The following MYLK4 variants were observed in gnomAD, a reference collection of about 807,000 sequenced individuals.
The protein encoded by MYLK4 is myosin light chain kinase family member 4.
In MYLK4, 46 loss-of-function variants were observed where a neutral mutation model predicts 48.1. That is an observed-to-expected ratio of 0.96 (90% confidence interval 0.75 to 1.22). The LOEUF (loss-of-function observed/expected upper bound fraction) is 1.22, where lower values mean the gene tolerates loss of function less well. MYLK4 is among the 50% of genes most tolerant of loss of function. The pLI is 0.00. For synonymous variants in MYLK4, 170 were observed against 180.8 expected, an observed-to-expected ratio of 0.94 and a Z score of 0.48; for missense variants, 451 against 486.1, an observed-to-expected ratio of 0.93 and a Z score of 0.68.
At chr6:2,760,657 C>G in the MYLK4 span, among the ~76,000 whole-genome samples, 3 of 152,054 alleles carry the variant, frequency 2.0e-5, no homozygotes, top group Non-Finnish European at 4.4e-5. Context: ...CCTTTTTATA[C>G]TATGAATATC....
At chr6:2,751,297 G>A (rs557338879), upstream of MYLK4, among the ~76,000 whole-genome samples, 128 of 152,270 alleles carry the variant, frequency 8.4e-4, no homozygotes, top group Middle Eastern at 3.4e-3. Flanking sequence ...CCCATCTTAC[G>A]CTTTGAGCAT....
At chr6:2,759,424 A>G in the MYLK4 span, among the ~76,000 whole-genome samples, 2 of 152,260 alleles carry the variant, frequency 1.3e-5, no homozygotes, top group African/African-American at 4.8e-5. Context: ...TCTCAAATAC[A>G]TATTTGGTCA....
At chr6:2,769,238 ATTACT>A in the MYLK4 span, among the ~76,000 whole-genome samples, 7 of 152,326 alleles carry the variant, frequency 4.6e-5, no homozygotes, top group Admixed American at 2.0e-4. Flanking sequence ...GTTTTTAAAA[ATTACT>A]TTAACAGTAT....
rs185328389 is a variant in MYLK4, at chr6:2,697,931, T to A, written c.160-5072A>T. Among the ~76,000 whole-genome samples, 431 of 152,334 alleles carry A rather than the reference T, an allele frequency of 2.8e-3. 3 individuals are homozygous for A. Among genetic ancestry groups the A allele is most frequent in the African/African-American group, 9.9e-3 (413 of 41,574 alleles). ...GCTTTCTGGAATGGCACGTTCACTG[T>A]GAGAACACTCTGTCATCAGGCTGCA... is the stretch of plus-strand genomic sequence containing the variant. On this transcript the variant is annotated intron_variant, in intron 2 of 12. Transcript: ENST00000274643.
chr6:2,671,357 A>G lies in MYLK4; in HGVS notation c.1120-9T>C. 1 of 1,613,854 alleles carries G rather than the reference A, an allele frequency of 6.2e-7. No individual in the cohort carries two copies. Among genetic ancestry groups the G allele is most frequent in the Non-Finnish European group, 8.5e-7 (1 of 1,179,796 alleles). ...CCACGATTCTTCTTCTTCTAGGGAAAGCAGAAGGCATATGGGAAGGATTAG... is the reference window on the plus strand; with the variant it reads ...CCACGATTCTTCTTCTTCTAGGGAAGGCAGAAGGCATATGGGAAGGATTAG... On this transcript the variant is annotated splice_polypyrimidine_tract_variant and intron_variant, in intron 11 of 12. Transcript: ENST00000274643.
At chr6:2,765,775 G>A in the MYLK4 span, 20 of 1,456,036 alleles carry the variant, frequency 1.4e-5, no homozygotes, top group Admixed American at 7.0e-5. Context: ...CGGAGCCCGC[G>A]GCCGGGTCGC....
At chr6:2,723,233 C>A (rs1763134042) in intron 2 of MYLK4, among the ~76,000 whole-genome samples, 1 of 152,158 alleles carries the variant, frequency 6.6e-6, no homozygotes, top group African/African-American at 2.4e-5. Flanking sequence ...GTCAAGGCTG[C>A]AGTGAGCTGA....
chr6:2,683,115 T>C lies in MYLK4; in HGVS notation c.593A>G (p.Asn198Ser). 6.2e-7 allele frequency: 1 copy of C among 1,614,104 alleles called. No homozygotes were observed. The highest frequency in any genetic ancestry group is 8.5e-7 in the Non-Finnish European group (1 of 1,180,024). Residue 198 changes from asparagine (N) to serine (S), a missense_variant, in exon 7 of 13, where the codon AAT becomes AGT. By Grantham distance (46) the Asn-to-Ser change is conservative (BLOSUM62 1). Coordinates refer to ENST00000274643, the MANE Select transcript of MYLK4 (RefSeq NM_001012418.5). ...CAGGATGGTATCAAGCTCCGTCAAA[T>C]TGTAGCTCTCATCGATGATGCGGTC... ...LFDRIIDESY[N>S]LTELDTILFM...
chr6:2,708,461 C>A (rs187464973), intron 2 of MYLK4, among the ~76,000 whole-genome samples: 1 of 152,158 alleles, frequency 6.6e-6, no homozygotes, highest in South Asian at 2.1e-4. Flanking sequence ...AAAAAAAAAT[C>A]GTGGCTCACC....
chr6:2,703,184 C>T (rs1016263139), intron 2 of MYLK4, among the ~76,000 whole-genome samples: 2 of 152,158 alleles, frequency 1.3e-5, no homozygotes, highest in Non-Finnish European at 2.9e-5. Flanking sequence ...CAATGCAGTA[C>T]ACCTTGATAC....
At chr6:2,699,548 C>T (rs544669365) in intron 2 of MYLK4, among the ~76,000 whole-genome samples, 35 of 151,642 alleles carry the variant, frequency 2.3e-4, no homozygotes, top group African/African-American at 6.8e-4. Flanking sequence ...CCACCTGCCT[C>T]GGCCTCCCAA....
At chr6:2,766,147 C>G in the MYLK4 span, 5 of 1,327,056 alleles carry the variant, frequency 3.8e-6, no homozygotes, top group Non-Finnish European at 4.8e-6. Flanking sequence ...GCGATGGCGA[C>G]GGGGACGCGG....
intron 2 of MYLK4, among the ~76,000 whole-genome samples, chr6:2,723,179 G>A (rs990544091): frequency 2.6e-5 from 4 of 152,174 alleles, no homozygotes; most frequent in African/African-American, 9.7e-5. Flanking sequence ...TGTAGTCCCA[G>A]CTAATCAGGA....
intron 2 of MYLK4, among the ~76,000 whole-genome samples, chr6:2,722,928 T>C (rs1763123215): frequency 6.6e-6 from 1 of 152,202 alleles, no homozygotes; most frequent in South Asian, 2.1e-4. Context: ...TGAGAACCTA[T>C]TGTATCACCT....
intron 4 of MYLK4, 75 bp downstream of exon 4, chr6:2,688,776 C>G: frequency 7.7e-6 from 9 of 1,161,502 alleles, no homozygotes; most frequent in Non-Finnish European, 1.2e-5. Context: ...CAGGTCAAGA[C>G]AGGCAGACAT....
At chr6:2,751,737 TA>T (rs940971855), upstream of MYLK4, among the ~76,000 whole-genome samples, 9 of 149,348 alleles carry the variant, frequency 6.0e-5, no homozygotes, top group Non-Finnish European at 8.9e-5. Context: ...CTGCTTCTTT[TA>T]AAAAAAAAAC....
At chr6:2,680,330 C>T (rs751589256) in intron 7 of MYLK4, 39 bp from the exon 8 acceptor site, 2 of 1,612,358 alleles carry the variant, frequency 1.2e-6, no homozygotes, top group East Asian at 2.2e-5. Flanking sequence ...TGAAAACAAC[C>T]ATCATTCACT....
At chr6:2,763,848 G>GA in the MYLK4 span, among the ~76,000 whole-genome samples, 58,993 of 149,928 alleles carry the variant, frequency 0.39, 11,789 homozygotes, top group Non-Finnish European at 0.42. Flanking sequence ...AGGGACAAAT[G>GA]AAAAAAAAAA....
the MYLK4 span, chr6:2,765,837 G>A: frequency 2.7e-5 from 38 of 1,382,176 alleles, no homozygotes; most frequent in Non-Finnish European, 3.2e-5. Flanking sequence ...GCCAAGAGGC[G>A]GCGGCTGTCG....
Sources: gnomAD v4.1 joint callset for allele counts (sites outside exome capture counted in the v4.1 genomes callset) on GRCh38, gnomAD v4.1.1 for gene constraint, MANE v1.5 for transcripts, NCBI Gene and HGNC (gene_info 2026-07-23, HGNC 2026-07-21) for gene names.